The following CNTNAP2 variants were observed in gnomAD, a reference collection of about 807,000 sequenced individuals.
The protein encoded by CNTNAP2 is contactin associated protein 2.
A neutral mutation model predicts 155.2 loss-of-function variants in CNTNAP2; 98 were observed. The observed-to-expected ratio is 0.63, with a 90% CI of 0.54 to 0.75. CNTNAP2 has a LOEUF of 0.75. Ranked by LOEUF, CNTNAP2 falls within the 30% of genes least tolerant of loss-of-function variation. The probability of loss-of-function intolerance (pLI) is 0.00; values close to 1 mark genes in which losing one functional copy is unlikely to be tolerated. For missense variants in CNTNAP2, 1,727 were observed against 1,688.1 expected, an observed-to-expected ratio of 1.02 and a Z score of -0.40; for synonymous variants, 651 against 631.2, an observed-to-expected ratio of 1.03 and a Z score of -0.47.
intron 13 of CNTNAP2, among the ~76,000 whole-genome samples, chr7:147,697,799 A>C (rs1796184949): frequency 6.6e-6 from 1 of 152,180 alleles, no homozygotes; most frequent in Non-Finnish European, 1.5e-5. Flanking sequence ...CTTGTTAAGA[A>C]GAACGGAAGG....
Position 147,657,849 on chromosome 7 carries a change from T to G in CNTNAP2, c.2098+18543T>G, listed in dbSNP as rs190063632. ...TCTTAGCATAGTGTAAATGAAATAT[T>G]TGCCTGAGTATCGGGTTTAGAAGTT... On this transcript the variant is annotated intron_variant, in intron 13 of 23. Coordinates refer to ENST00000361727, the MANE Select transcript of CNTNAP2 (RefSeq NM_014141.6). 2.9e-3 allele frequency among the ~76,000 whole-genome samples: 444 copies of G among 152,286 alleles called. 2 individuals are homozygous for G. Among genetic ancestry groups the G allele is most frequent in the African/African-American group, 0.01 (416 of 41,552 alleles).
chr7:148,295,630 T>C (rs1483804897), intron 21 of CNTNAP2, among the ~76,000 whole-genome samples: 3 of 136,436 alleles, frequency 2.2e-5, no homozygotes, highest in East Asian at 2.0e-4. Context: ...TAGCTGGGAC[T>C]ACCGGTGCCC....
intron 15 of CNTNAP2, among the ~76,000 whole-genome samples, chr7:147,985,407 C>CTTTTTTTTTTTTT (rs34093586): frequency 9.3e-6 from 1 of 108,052 alleles, no homozygotes; most frequent in African/African-American, 3.6e-5. Context: ...TATGTTTTTA[C>CTTTTTTTTTTTTT]TTTTTTTTTT....
chr7:146,893,383 CTATA>C (rs1374899394), intron 3 of CNTNAP2, among the ~76,000 whole-genome samples: 2 of 150,718 alleles, frequency 1.3e-5, no homozygotes, highest in African/African-American at 2.4e-5. Flanking sequence ...TCATATATCT[CTATA>C]TAGAGATCAT....
At chr7:146,815,406 C>A (rs1392607159) in intron 2 of CNTNAP2, among the ~76,000 whole-genome samples, 1 of 151,904 alleles carries the variant, frequency 6.6e-6, no homozygotes, top group Non-Finnish European at 1.5e-5. Context: ...TATTTTATTT[C>A]TTTGTAAAAT....
chr7:148,304,605 T>C (rs983446347), intron 21 of CNTNAP2, among the ~76,000 whole-genome samples: 2 of 152,186 alleles, frequency 1.3e-5, no homozygotes, highest in Non-Finnish European at 2.9e-5. Flanking sequence ...CTGTGGGCAA[T>C]ATGTAAATGA....
At chr7:146,250,217 G>C (rs1439706282) in intron 1 of CNTNAP2, among the ~76,000 whole-genome samples, 1 of 152,132 alleles carries the variant, frequency 6.6e-6, no homozygotes, top group Non-Finnish European at 1.5e-5. Context: ...TTTGTCTGAG[G>C]CTTCTTATGA....
intron 1 of CNTNAP2, among the ~76,000 whole-genome samples, chr7:146,464,187 GTT>G (rs369508603): frequency 0.084 from 7,680 of 91,344 alleles, 546 homozygotes; most frequent in African/African-American, 0.26. Flanking sequence ...CTTTGAAACT[GTT>G]TTTTTTTTTT....
At chr7:147,069,815 T>C (rs1431930473) in intron 4 of CNTNAP2, among the ~76,000 whole-genome samples, 2 of 152,206 alleles carry the variant, frequency 1.3e-5, no homozygotes, top group Non-Finnish European at 2.9e-5. Flanking sequence ...CTTTGTTCAA[T>C]ACAGTAGCCA....
chr7:147,127,835 G>A (rs531521057), intron 6 of CNTNAP2, among the ~76,000 whole-genome samples: 3 of 152,064 alleles, frequency 2.0e-5, no homozygotes, highest in Admixed American at 6.6e-5. Context: ...TATATTACAA[G>A]TATTGTATAT....
chr7:146,742,416 G>C (rs1801734871), intron 1 of CNTNAP2, among the ~76,000 whole-genome samples: 1 of 152,114 alleles, frequency 6.6e-6, no homozygotes, highest in South Asian at 2.1e-4. Flanking sequence ...GGATCATATA[G>C]AAAACTTATA....
At chr7:146,131,837 G>C (rs1407470525) in intron 1 of CNTNAP2, among the ~76,000 whole-genome samples, 2 of 152,042 alleles carry the variant, frequency 1.3e-5, no homozygotes, top group African/African-American at 4.8e-5. Context: ...TTATGAGCGC[G>C]GTTTCCCCCA....
intron 21 of CNTNAP2, among the ~76,000 whole-genome samples, chr7:148,291,049 A>T (rs182844301): frequency 2.0e-5 from 3 of 152,278 alleles, no homozygotes; most frequent in Admixed American, 1.3e-4. Flanking sequence ...GTCAGAATTT[A>T]TACTTCTATG....
chr7:147,328,078 AC>A (rs1248767584), intron 9 of CNTNAP2, among the ~76,000 whole-genome samples: 1 of 152,188 alleles, frequency 6.6e-6, no homozygotes. Flanking sequence ...GTAAGTTGGG[AC>A]AAAAATAACG....
At chr7:147,928,845 C>A (rs571054587) in intron 14 of CNTNAP2, among the ~76,000 whole-genome samples, 119 of 152,066 alleles carry the variant, frequency 7.8e-4, no homozygotes, top group African/African-American at 2.7e-3. Flanking sequence ...AATCCCAGGA[C>A]TTTGAGAGGC....
intron 14 of CNTNAP2, among the ~76,000 whole-genome samples, chr7:147,915,784 C>T (rs1345287700): frequency 6.6e-6 from 1 of 151,280 alleles, no homozygotes; most frequent in African/African-American, 2.4e-5. Context: ...AAAAAGGAAA[C>T]TCTTAATTTT....
In CNTNAP2 at chr7:146,171,027, AAAAT is replaced by A. The variant is rs34457672; in HGVS notation, c.97+54077_97+54080del. Among the ~76,000 whole-genome samples, 45 of 151,832 alleles carry A rather than the reference AAAAT, an allele frequency of 3.0e-4. No individual in the cohort carries two copies. The East Asian group carries it at 3.1e-3, about 10-fold the overall frequency. On this transcript the variant is annotated intron_variant, in intron 1 of 23. Coordinates refer to ENST00000361727, the MANE Select transcript of CNTNAP2 (RefSeq NM_014141.6). ...AGGCAACAGAGCGAGACTCCGTCTA[AAAAT>A]AAATAAATAAATAAATAAATAAGAG...
intron 4 of CNTNAP2, among the ~76,000 whole-genome samples, chr7:147,057,760 G>A (rs1336193444): frequency 6.6e-6 from 1 of 152,122 alleles, no homozygotes; most frequent in South Asian, 2.1e-4. Flanking sequence ...TAGGAACTAC[G>A]AAAGGAAAAT....
chr7:146,118,810 A>C (rs996640094), intron 1 of CNTNAP2, among the ~76,000 whole-genome samples: 47 of 152,170 alleles, frequency 3.1e-4, no homozygotes, highest in Admixed American at 3.0e-3. Context: ...GTTAATAGTT[A>C]TGGCCATTAA....
Sources: allele counts gnomAD v4.1 joint callset (sites outside exome capture counted in the v4.1 genomes callset), GRCh38; gene constraint gnomAD v4.1.1; transcripts MANE v1.5; gene names NCBI Gene and HGNC (gene_info 2026-07-23, HGNC 2026-07-21).